GATAD2A: variants seen among roughly 807,000 people sequenced by gnomAD.
The protein encoded by GATAD2A is transcriptional repressor p66-alpha.
In GATAD2A, 12 loss-of-function variants were observed where a neutral mutation model predicts 68.5. That is an observed-to-expected ratio of 0.18 (90% CI 0.11 to 0.28). The LOEUF (loss-of-function observed/expected upper bound fraction) is 0.28, where lower values mean the gene tolerates loss of function less well. Among genes scored for constraint, GATAD2A ranks in the 10% least tolerant of loss-of-function variants. GATAD2A has a pLI of 1.00. For missense variants in GATAD2A, 755 were observed against 868.5 expected (o/e 0.87, Z 1.64); for synonymous variants, 410 against 375.3 (o/e 1.09, Z -1.07).
chr19:19,484,518 C>CTTTTTT (rs58628123), intron 2 of GATAD2A, among the ~76,000 whole-genome samples: 115 of 114,386 alleles, frequency 1.0e-3, no homozygotes, highest in Non-Finnish European at 1.3e-3. Context: ...TTTTCTTTTT[C>CTTTTTT]TTTTTTTTTT....
chr19:19,464,481 C>T (rs73530436), intron 1 of GATAD2A, among the ~76,000 whole-genome samples: 3,211 of 152,274 alleles, frequency 0.021, 112 homozygotes, highest in African/African-American at 0.073. Flanking sequence ...AGACAGACAT[C>T]GCTGTGCTGT....
At position 19,431,720 on chromosome 19, in the gene GATAD2A, A is replaced by T. The variant is rs897389552; in HGVS notation, c.-7+25701A>T. On this transcript the variant is annotated intron_variant, in intron 1 of 11. Coordinates refer to ENST00000683918, the MANE Select transcript of GATAD2A (RefSeq NM_001384528.1). ...AAAAAAAAAAAAAAAAAATTTACTA[A>T]GCACCACTTATGTGTCAGACACTGT... Among the ~76,000 whole-genome samples, 9 of 151,958 alleles carry T rather than the reference A, an allele frequency of 5.9e-5. 1 individual carries two copies. In the Middle Eastern group the frequency reaches 0.027, roughly 459 times the overall value.
At chr19:19,411,506 T>C (rs1183384298) in intron 1 of GATAD2A, among the ~76,000 whole-genome samples, 1 of 152,180 alleles carries the variant, frequency 6.6e-6, no homozygotes, top group Admixed American at 6.5e-5. Flanking sequence ...TGATGGTACT[T>C]GCAGTGGTGT....
At chr19:19,486,224 G>T (rs752983588) in intron 2 of GATAD2A, among the ~76,000 whole-genome samples, 3 of 152,236 alleles carry the variant, frequency 2.0e-5, no homozygotes, top group South Asian at 2.1e-4. Context: ...TCAGAAAGCT[G>T]TCAGGTCAGG....
chr19:19,459,448 A>G lies in GATAD2A; in HGVS notation c.-6-5892A>G, dbSNP rs77263849. On this transcript the variant is annotated intron_variant, in intron 1 of 11. Coordinates refer to ENST00000683918, the MANE Select transcript of GATAD2A (RefSeq NM_001384528.1). ...CCCACAGTTCTTTCCATTTTTCTTCACATAGCATTGTCTGTGAAGTAGGGA... is the reference window on the plus strand; with the variant it reads ...CCCACAGTTCTTTCCATTTTTCTTCGCATAGCATTGTCTGTGAAGTAGGGA... Among the ~76,000 whole-genome samples the G allele has an allele frequency of 1.0e-3, 155 of 150,850 alleles. 4 individuals carry two copies. In the East Asian group the frequency reaches 0.026, roughly 26 times the overall value.
At chr19:19,494,699 G>A (rs1161424744) in intron 5 of GATAD2A, among the ~76,000 whole-genome samples, 4 of 152,230 alleles carry the variant, frequency 2.6e-5, no homozygotes, top group African/African-American at 9.6e-5. Flanking sequence ...CGGCCAGAGA[G>A]CCTCCTTCCA....
At chr19:19,482,399 T>G (rs1223300760) in intron 2 of GATAD2A, among the ~76,000 whole-genome samples, 1 of 152,192 alleles carries the variant, frequency 6.6e-6, no homozygotes, top group African/African-American at 2.4e-5. Context: ...GGGAGACGCT[T>G]GTCTCCAAAT....
rs2060923500 is a variant in GATAD2A, at chr19:19,507,664, A to G, written c.*2190A>G. 1 of 152,106 alleles carries G rather than the reference A, an allele frequency of 6.6e-6. No homozygotes were observed. Among genetic ancestry groups the G allele is most frequent in the African/African-American group, 2.4e-5 (1 of 41,382 alleles). 9.4% of individuals were successfully genotyped at this position (152,106 alleles called of 1,614,324 possible). On this transcript the variant is annotated 3_prime_UTR_variant, in exon 12 of 12. Transcript: ENST00000683918. ...TGTCAACCCATCCTTGTGAGTTCATATGGACTGCTGCCCCTCGAAAGGGAG... is the reference window on the plus strand; with the variant it reads ...TGTCAACCCATCCTTGTGAGTTCATGTGGACTGCTGCCCCTCGAAAGGGAG...
chr19:19,432,083 C>T (rs146074656), intron 1 of GATAD2A, among the ~76,000 whole-genome samples: 318 of 152,312 alleles, frequency 2.1e-3, no homozygotes, highest in Non-Finnish European at 3.4e-3. Context: ...TCAAGTGATT[C>T]TCGTGCCTCA....
chr19:19,435,627 A>G (rs767172302), intron 1 of GATAD2A, among the ~76,000 whole-genome samples: 1 of 152,150 alleles, frequency 6.6e-6, no homozygotes, highest in East Asian at 1.9e-4. Flanking sequence ...AGGTGGGTGT[A>G]TCGCCTGAGG....
chr19:19,417,947 G>C (rs1600068904), intron 1 of GATAD2A, among the ~76,000 whole-genome samples: 1 of 152,154 alleles, frequency 6.6e-6, no homozygotes. Context: ...CTGCCTTCCG[G>C]GGTCTTAGAG....
intron 1 of GATAD2A, among the ~76,000 whole-genome samples, chr19:19,393,838 C>T (rs953160815): frequency 6.6e-5 from 10 of 151,590 alleles, no homozygotes; most frequent in Middle Eastern, 3.4e-3. Flanking sequence ...CTTGGAGAAA[C>T]GAGAGAAACT....
intron 6 of GATAD2A, 72 bp downstream of exon 6, chr19:19,495,957 C>G: frequency 6.3e-7 from 1 of 1,584,440 alleles, no homozygotes; most frequent in Non-Finnish European, 8.6e-7. Context: ...TAGGGCCCTT[C>G]CCAGTCCTTG....
At chr19:19,459,237 G>T (rs1227160703) in intron 1 of GATAD2A, among the ~76,000 whole-genome samples, 1 of 152,176 alleles carries the variant, frequency 6.6e-6, no homozygotes, top group Non-Finnish European at 1.5e-5. Flanking sequence ...AAGCAATACA[G>T]AAATGTTTAC....
At chr19:19,486,063 C>T (rs2059406171) in intron 2 of GATAD2A, among the ~76,000 whole-genome samples, 1 of 152,246 alleles carries the variant, frequency 6.6e-6, no homozygotes, top group Admixed American at 6.5e-5. Context: ...GAACCTCCAT[C>T]AAGGCAAGAG....
At chr19:19,500,933 CCGA>C (rs1322391020) in intron 8 of GATAD2A, among the ~76,000 whole-genome samples, 182 bp from the exon 9 acceptor site, 13 of 152,344 alleles carry the variant, frequency 8.5e-5, no homozygotes, top group Admixed American at 2.0e-4. Context: ...GGACAGGAGG[CCGA>C]CGTTTTCTGA....
chr19:19,477,777 C>T (rs953877639), intron 2 of GATAD2A, among the ~76,000 whole-genome samples: 2 of 152,094 alleles, frequency 1.3e-5, no homozygotes, highest in Admixed American at 1.3e-4. Flanking sequence ...GGCCAACTTG[C>T]TGGAGAAGGA....
chr19:19,479,401 A>C (rs2058896909), intron 2 of GATAD2A, among the ~76,000 whole-genome samples: 1 of 152,180 alleles, frequency 6.6e-6, no homozygotes, highest in Non-Finnish European at 1.5e-5. Context: ...TATTATTTTA[A>C]CCGAGTTCAT....
At chr19:19,424,445 G>A (rs141089277) in intron 1 of GATAD2A, among the ~76,000 whole-genome samples, 1 of 152,170 alleles carries the variant, frequency 6.6e-6, no homozygotes, top group East Asian at 1.9e-4. Context: ...GCCCAGGCTG[G>A]TCTTGAACTC....
Sources: allele counts gnomAD v4.1 joint callset (sites outside exome capture counted in the v4.1 genomes callset), GRCh38; gene constraint gnomAD v4.1.1; transcripts MANE v1.5; gene names NCBI Gene and HGNC (gene_info 2026-07-23, HGNC 2026-07-21).